The following SPI1 variants were observed in gnomAD, a reference collection of about 807,000 sequenced individuals.
SPI1 encodes Spi-1 proto-oncogene.
In SPI1, 3 loss-of-function variants were observed where a neutral mutation model predicts 30.7. The observed-to-expected ratio is 0.10, with a 90% CI of 0.04 to 0.25. The LOEUF (loss-of-function observed/expected upper bound fraction) is 0.25, where lower values mean the gene tolerates loss of function less well. Among genes scored for constraint, SPI1 ranks in the 10% least tolerant of loss-of-function variants. The probability of loss-of-function intolerance (pLI) is 1.00; values close to 1 mark genes in which losing one functional copy is unlikely to be tolerated. For missense variants in SPI1, 261 were observed against 371.5 expected, an observed-to-expected ratio of 0.70 and a Z score of 2.45; for synonymous variants, 169 against 157.1, an observed-to-expected ratio of 1.08 and a Z score of -0.56.
intron 2 of SPI1, among the ~76,000 whole-genome samples, chr11:47,363,147 C>T (rs909307188): frequency 2.0e-5 from 3 of 152,188 alleles, no homozygotes; most frequent in African/African-American, 7.2e-5. Context: ...CCTCCGTCTT[C>T]CCAGTGCCTA....
chr11:47,365,015 T>G (rs1316390822), intron 2 of SPI1, among the ~76,000 whole-genome samples: 1 of 152,210 alleles, frequency 6.6e-6, no homozygotes, highest in Non-Finnish European at 1.5e-5. Context: ...TTACCTGTGA[T>G]TTGGTGCTCA....
At chr11:47,357,534 T>TCA (rs1172434451) in intron 4 of SPI1, among the ~76,000 whole-genome samples, 1 of 151,766 alleles carries the variant, frequency 6.6e-6, no homozygotes, top group Non-Finnish European at 1.5e-5. Flanking sequence ...TCATGCATGC[T>TCA]CACACACACC....
intron 4 of SPI1, among the ~76,000 whole-genome samples, chr11:47,356,306 A>T (rs570644131): frequency 6.7e-6 from 1 of 148,650 alleles, no homozygotes; most frequent in East Asian, 2.0e-4. Context: ...ACATGTTCAA[A>T]CCCACACTGC....
intron 2 of SPI1, among the ~76,000 whole-genome samples, chr11:47,368,553 G>A (rs753960674): frequency 5.9e-5 from 9 of 152,210 alleles, no homozygotes; most frequent in Non-Finnish European, 5.9e-5. Context: ...GCAAAACGTG[G>A]CGCGCGCATA....
At position 47,370,441 on chromosome 11, in the gene SPI1, C is replaced by T. The variant is rs545099824; in HGVS notation, c.142+5192G>A. On this transcript the variant is annotated intron_variant, in intron 2 of 4. Coordinates refer to ENST00000378538, the MANE Select transcript of SPI1 (RefSeq NM_003120.3). ...AAAAAAGGCCAGGCATGGTGGCTCA[C>T]GCCTGTAATTCCAGCACTTTGGGAG... Among the ~76,000 whole-genome samples, 16 of 151,714 alleles carry T rather than the reference C, an allele frequency of 1.1e-4. No individual in the cohort carries two copies. In the East Asian group the frequency reaches 2.9e-3, roughly 28 times the overall value.
chr11:47,357,519 C>T (rs960225522), intron 4 of SPI1, among the ~76,000 whole-genome samples: 7 of 151,876 alleles, frequency 4.6e-5, no homozygotes, highest in Admixed American at 3.3e-4. Flanking sequence ...CACAGCAGCT[C>T]ACACTCATGC....
At chr11:47,372,759 T>TACCTTACCTTAC (rs1252430770) in intron 2 of SPI1, among the ~76,000 whole-genome samples, 1 of 152,176 alleles carries the variant, frequency 6.6e-6, no homozygotes, top group Non-Finnish European at 1.5e-5. Context: ...GGCCTCGTCC[T>TACCTTACCTTAC]CTGCACGTTA....
intron 4 of SPI1, among the ~76,000 whole-genome samples, chr11:47,356,391 A>T (rs1191745598): frequency 6.8e-6 from 1 of 147,162 alleles, no homozygotes; most frequent in Non-Finnish European, 1.5e-5. Flanking sequence ...ATTCACACCC[A>T]CTCACATGCA....
At chr11:47,377,143 G>A (rs1426730212) in intron 1 of SPI1, among the ~76,000 whole-genome samples, 1 of 152,190 alleles carries the variant, frequency 6.6e-6, no homozygotes, top group Non-Finnish European at 1.5e-5. Context: ...CAAGTGAGGA[G>A]GCCAGGAGCC....
At chr11:47,368,377 ATAGAAT>A (rs1475391732) in intron 2 of SPI1, among the ~76,000 whole-genome samples, 1 of 152,168 alleles carries the variant, frequency 6.6e-6, no homozygotes. Flanking sequence ...AAAAATAAAA[ATAGAAT>A]TAGCATATGA....
chr11:47,366,865 A>G (rs995962093), intron 2 of SPI1, among the ~76,000 whole-genome samples: 1 of 151,772 alleles, frequency 6.6e-6, no homozygotes, highest in East Asian at 1.9e-4. Flanking sequence ...ACAGGCTCAG[A>G]GAACAGAGAA....
intron 1 of SPI1, among the ~76,000 whole-genome samples, chr11:47,376,010 C>CA (rs1051284088): frequency 2.0e-5 from 3 of 151,988 alleles, no homozygotes; most frequent in Non-Finnish European, 4.4e-5. Context: ...CACTCACACT[C>CA]ACGCCTGTGT....
intron 2 of SPI1, among the ~76,000 whole-genome samples, chr11:47,363,164 G>A (rs755657711): frequency 2.4e-4 from 37 of 152,176 alleles, no homozygotes; most frequent in Non-Finnish European, 4.3e-4. Context: ...CCTAAGTAGA[G>A]TGGGCACTCA....
At chr11:47,368,759 T>TG (rs1016600309) in intron 2 of SPI1, among the ~76,000 whole-genome samples, 38 of 152,140 alleles carry the variant, frequency 2.5e-4, no homozygotes, top group South Asian at 1.0e-3. Flanking sequence ...TGCCAGAGGC[T>TG]GGGGGGAGGG....
chr11:47,368,836 G>A (rs184739796), intron 2 of SPI1, among the ~76,000 whole-genome samples: 324 of 152,210 alleles, frequency 2.1e-3, no homozygotes, highest in African/African-American at 6.0e-3. Context: ...TATAGAGATG[G>A]ATGGTGATGA....
At chr11:47,377,151 G>T (rs1034486363) in intron 1 of SPI1, among the ~76,000 whole-genome samples, 1 of 152,216 alleles carries the variant, frequency 6.6e-6, no homozygotes, top group African/African-American at 2.4e-5. Flanking sequence ...GAGGCCAGGA[G>T]CCCAGCACTG....
chr11:47,358,585 A>G lies in SPI1; in HGVS notation c.493+259T>C, dbSNP rs772887763. The G allele has an allele frequency of 5.4e-5, 38 of 702,938 alleles. 1 individual carries two copies. In the South Asian group the frequency reaches 5.6e-4, roughly 10 times the overall value. 43.5% of individuals were successfully genotyped at this position (702,938 alleles called of 1,614,324 possible). A position where few individuals can be genotyped will look rare whatever the true frequency, so the allele number is the denominator to read the frequency against. ...TCTGCACACTTGCTCACACACACCC[A>G]GATGTACACACACTCATGGCACAGA... On this transcript the variant is annotated intron_variant, in intron 4 of 4. Transcript: ENST00000378538.
intron 4 of SPI1, 130 bp from the exon 5 acceptor site, chr11:47,355,676 G>T (rs1330390462): frequency 4.1e-6 from 3 of 734,758 alleles, no homozygotes; most frequent in Admixed American, 6.1e-5. Context: ...GCCCCAGCCC[G>T]CGCCGGGCGT....
chr11:47,378,480 T>C lies in SPI1; in HGVS notation c.-127A>G. 1 of 988,302 alleles carries C rather than the reference T, an allele frequency of 1.0e-6. No individual in the cohort carries two copies. Among genetic ancestry groups the C allele is most frequent in the South Asian group, 1.4e-5 (1 of 70,098 alleles). The allele number at this position is 988,302 out of a possible 1,614,324, so 61.2% of individuals were successfully genotyped here. On this transcript the variant is annotated 5_prime_UTR_variant, in exon 1 of 5. Coordinates refer to ENST00000378538, the MANE Select transcript of SPI1 (RefSeq NM_003120.3). ...GGGTGCAGGGCTCAGGCCTGCCCCC[T>C]GAGCTACAGGAGCCCTGGGTGAGCC...
Sources: gnomAD v4.1 joint callset for allele counts (sites outside exome capture counted in the v4.1 genomes callset) on GRCh38, gnomAD v4.1.1 for gene constraint, MANE v1.5 for transcripts, NCBI Gene and HGNC (gene_info 2026-07-23, HGNC 2026-07-21) for gene names.